TBC1D2: variants seen among roughly 807,000 people sequenced by gnomAD.
TBC1D2 encodes the protein TBC1 domain family member 2.
TBC1D2 carries 58 observed loss-of-function variants against 91.1 expected under a neutral mutation model. The ratio of observed to expected loss-of-function variants is 0.64; its 90% CI spans 0.52 to 0.79. The LOEUF (loss-of-function observed/expected upper bound fraction) is 0.79. Ranked by LOEUF, TBC1D2 falls within the 30% of genes least tolerant of loss-of-function variation. The pLI is 0.00. For missense variants in TBC1D2, 1,080 were observed against 1,208.3 expected, an observed-to-expected ratio of 0.89 and a Z score of 1.57; for synonymous variants, 482 against 511.5, an observed-to-expected ratio of 0.94 and a Z score of 0.78.
intron 11 of TBC1D2, 38 bp downstream of exon 11, chr9:98,201,441 C>G: frequency 6.3e-7 from 1 of 1,594,650 alleles, no homozygotes; most frequent in Non-Finnish European, 8.6e-7. Flanking sequence ...AAGGGACTTG[C>G]TCAGGGGCCC....
chr9:98,225,867 G>A (rs898511121), intron 5 of TBC1D2, among the ~76,000 whole-genome samples: 5 of 152,228 alleles, frequency 3.3e-5, no homozygotes, highest in Admixed American at 2.0e-4. Context: ...AATTCCTAAA[G>A]AGTCACGAAA....
In TBC1D2 at chr9:98,228,829, TTTAAAG is replaced by T. The variant is rs1177671477; in HGVS notation, c.978+117_978+122del. ...TATTTCAACATTCTGCAGTTTGGCC[TTTAAAG>T]ACCAGAGAGTAGCTGGTGCCCAGCA... On this transcript the variant is annotated intron_variant, in intron 5 of 12. Coordinates refer to ENST00000465784, the MANE Select transcript of TBC1D2 (RefSeq NM_001267571.2). The surrounding 1 kb of genome is among the most constrained non-coding windows in gnomAD (Gnocchi z 4.0). 1.0e-6 allele frequency: 1 copy of T among 954,796 alleles called. No homozygotes were observed. Among genetic ancestry groups the T allele is most frequent in the Non-Finnish European group, 1.6e-6 (1 of 635,260 alleles). 59.1% of individuals were successfully genotyped at this position (954,796 alleles called of 1,614,324 possible).
chr9:98,222,922 A>G (rs1043135729), intron 5 of TBC1D2, among the ~76,000 whole-genome samples: 1 of 152,226 alleles, frequency 6.6e-6, no homozygotes, highest in African/African-American at 2.4e-5. Context: ...CCTTAGGACT[A>G]GTGACCATCC....
rs1829298755 is a variant in TBC1D2 at position 98,228,900 on chromosome 9, G to A, written c.978+52C>T. The A allele has an allele frequency of 1.3e-6, 2 of 1,570,220 alleles. No individual in the cohort carries two copies. The highest frequency in any genetic ancestry group is 2.3e-5 in the South Asian group (2 of 87,440). ...CATCTAGCTTATCCGAAAGGCTCCA[G>A]GAACTGGAGGGGTCCACTGGAACCT... On this transcript the variant is annotated intron_variant, in intron 5 of 12. Coordinates refer to ENST00000465784, the MANE Select transcript of TBC1D2 (RefSeq NM_001267571.2). The surrounding 1 kb of genome is among the most constrained non-coding windows in gnomAD (Gnocchi z 4.0).
chr9:98,201,359 A>G (rs1407763589), intron 11 of TBC1D2, 120 bp downstream of exon 11: 17 of 885,464 alleles, frequency 1.9e-5, no homozygotes, highest in Middle Eastern at 2.8e-4. Context: ...CTCTCAGGAG[A>G]CGTTCAACAG....
intron 10 of TBC1D2, among the ~76,000 whole-genome samples, chr9:98,202,545 G>C (rs561909707): frequency 1.3e-5 from 2 of 152,304 alleles, no homozygotes; most frequent in Admixed American, 1.3e-4. Context: ...AACTCCCCAA[G>C]TCTAAGATGC....
intron 4 of TBC1D2, among the ~76,000 whole-genome samples, chr9:98,230,829 C>T (rs541227905): frequency 1.3e-5 from 2 of 152,198 alleles, no homozygotes; most frequent in Admixed American, 1.3e-4. Flanking sequence ...TGTAGTGAGC[C>T]GAGATCATGC....
chr9:98,210,075 C>T (rs1052392575), intron 8 of TBC1D2, among the ~76,000 whole-genome samples: 1 of 151,596 alleles, frequency 6.6e-6, no homozygotes, highest in African/African-American at 2.4e-5. Flanking sequence ...ATCTGCCCAT[C>T]TCAGCCTCCC....
intron 3 of TBC1D2, among the ~76,000 whole-genome samples, chr9:98,239,756 T>G (rs1829592009): frequency 6.6e-6 from 1 of 151,842 alleles, no homozygotes; most frequent in African/African-American, 2.4e-5. Flanking sequence ...TTAATTTTTC[T>G]TTAAATATTT....
chr9:98,205,002 T>G (rs1828612529), intron 9 of TBC1D2, among the ~76,000 whole-genome samples: 1 of 152,360 alleles, frequency 6.6e-6, no homozygotes, highest in South Asian at 2.1e-4. Context: ...AGAAACTCTC[T>G]CAGGACAGGG....
At chr9:98,201,419 C>T (rs925530570) in intron 11 of TBC1D2, 60 bp downstream of exon 11, 56 of 1,501,736 alleles carry the variant, frequency 3.7e-5, no homozygotes, top group Middle Eastern at 1.7e-4. Context: ...AGAGTCAAGA[C>T]GCAGATGGGT....
At chr9:98,225,296 T>C (rs1251597337) in intron 5 of TBC1D2, among the ~76,000 whole-genome samples, 1 of 152,216 alleles carries the variant, frequency 6.6e-6, no homozygotes. Context: ...CATCTGGTGC[T>C]ATCTCCTAGA....
chr9:98,248,745 C>T (rs1829814689), intron 2 of TBC1D2, among the ~76,000 whole-genome samples: 1 of 152,224 alleles, frequency 6.6e-6, no homozygotes, highest in Admixed American at 6.5e-5. Flanking sequence ...GTTGGGGCAG[C>T]AGGCATATTT....
chr9:98,250,230 C>T (rs1415993214), intron 2 of TBC1D2, among the ~76,000 whole-genome samples: 2 of 152,122 alleles, frequency 1.3e-5, no homozygotes, highest in Non-Finnish European at 2.9e-5. Flanking sequence ...AAGCATCAAG[C>T]CCAAGGTGGG....
chr9:98,217,107 A>C (rs928616825), intron 6 of TBC1D2, among the ~76,000 whole-genome samples: 24 of 152,234 alleles, frequency 1.6e-4, no homozygotes, highest in African/African-American at 5.3e-4. Flanking sequence ...GAGTGAGCAC[A>C]GCCTGGAACA....
intron 9 of TBC1D2, among the ~76,000 whole-genome samples, chr9:98,207,263 GA>G (rs1424638772): frequency 6.6e-6 from 1 of 152,196 alleles, no homozygotes; most frequent in African/African-American, 2.4e-5. Flanking sequence ...ACTGAATGTT[GA>G]TTCTGTGTTA....
At chr9:98,211,700 C>T (rs1828845117) in intron 7 of TBC1D2, among the ~76,000 whole-genome samples, 1 of 152,156 alleles carries the variant, frequency 6.6e-6, no homozygotes, top group Non-Finnish European at 1.5e-5. Flanking sequence ...AGCTCCAAGC[C>T]ATCCTCTGTG....
intron 10 of TBC1D2, 94 bp from the exon 11 acceptor site, chr9:98,201,758 A>G (rs1031928755): frequency 9.4e-6 from 12 of 1,274,420 alleles, no homozygotes; most frequent in Non-Finnish European, 1.3e-5. Flanking sequence ...TCCACACACA[A>G]TCCTGAAGCT....
Position 98,243,983 on chromosome 9 carries a change from C to A in TBC1D2, c.647+11G>T. 1 of 1,596,374 alleles carries A rather than the reference C, an allele frequency of 6.3e-7. No individual in the cohort carries two copies. Among genetic ancestry groups the A allele is most frequent in the Non-Finnish European group, 8.5e-7 (1 of 1,171,636 alleles). On this transcript the variant is annotated intron_variant, in intron 3 of 12. Coordinates refer to ENST00000465784, the MANE Select transcript of TBC1D2 (RefSeq NM_001267571.2). ...CAGCTTGGCTAGCCCCTCAGCTCCA[C>A]TGGCACTTACTGTATTTCAGTCCCC...
Sources: allele counts gnomAD v4.1 joint callset (sites outside exome capture counted in the v4.1 genomes callset), GRCh38; gene constraint gnomAD v4.1.1; non-coding constraint Gnocchi (gnomAD v3.1); transcripts MANE v1.5; gene names NCBI Gene and HGNC (gene_info 2026-07-23, HGNC 2026-07-21).